Variants in ZNF93 observed in about 807,000 individuals in gnomAD.
ZNF93 encodes the protein zinc finger protein 505.
Under a neutral mutation model 45.0 loss-of-function variants are expected in ZNF93, and 29 were observed. That is an observed-to-expected ratio of 0.64 (90% CI 0.48 to 0.88). The LOEUF (loss-of-function observed/expected upper bound fraction) is 0.88, where lower values mean the gene tolerates loss of function less well. Ranked by LOEUF, ZNF93 falls within the 40% of genes least tolerant of loss-of-function variation. The pLI is 0.00. For missense variants in ZNF93, 578 were observed against 724.0 expected (o/e 0.80, Z 2.31); for synonymous variants, 223 against 244.6 (o/e 0.91, Z 0.82).
intron 3 of ZNF93, among the ~76,000 whole-genome samples, chr19:19,930,355 A>G (rs1474869663): frequency 1.3e-5 from 2 of 152,328 alleles, no homozygotes; most frequent in African/African-American, 4.8e-5. Flanking sequence ...TGACCACTGA[A>G]GCACAGCATC....
intron 1 of ZNF93, chr19:19,914,762 CT>C: frequency 2.6e-6 from 1 of 384,550 alleles, no homozygotes; most frequent in Non-Finnish European, 5.0e-6. Flanking sequence ...AACACAGGCT[CT>C]TCCACTTACT....
chr19:19,915,642 A>G (rs1172913569), intron 2 of ZNF93, among the ~76,000 whole-genome samples: 1 of 152,080 alleles, frequency 6.6e-6, no homozygotes, highest in Non-Finnish European at 1.5e-5. Context: ...GGAGTTCGAG[A>G]CCAGCCTGGC....
chr19:19,910,580 C>A (rs1473219096), intron 1 of ZNF93, among the ~76,000 whole-genome samples: 1 of 151,540 alleles, frequency 6.6e-6, no homozygotes, highest in Non-Finnish European at 1.5e-5. Flanking sequence ...CAACTTGAAT[C>A]TTTGCTCCCA....
chr19:19,932,068 G>A, intron 3 of ZNF93: 1 of 310,060 alleles, frequency 3.2e-6, no homozygotes, highest in South Asian at 2.5e-5. Context: ...GAGGTCAGGA[G>A]ATCGAGACCA....
At chr19:19,930,977 C>T (rs1347530386) in intron 3 of ZNF93, among the ~76,000 whole-genome samples, 1 of 151,744 alleles carries the variant, frequency 6.6e-6, no homozygotes, top group Non-Finnish European at 1.5e-5. Flanking sequence ...ATAATTATGA[C>T]CACCTTACTC....
chr19:19,905,783 G>A (rs2063291238), intron 1 of ZNF93, among the ~76,000 whole-genome samples: 1 of 151,616 alleles, frequency 6.6e-6, no homozygotes, highest in African/African-American at 2.4e-5. Flanking sequence ...CGTGGAGACA[G>A]AATTTTGCCA....
intron 2 of ZNF93, 110 bp from the exon 3 acceptor site, chr19:19,916,450 T>A: frequency 1.2e-6 from 1 of 837,098 alleles, no homozygotes; most frequent in South Asian, 1.7e-5. Context: ...ATTTGTATTT[T>A]GGTATTAATT....
chr19:19,921,248 G>A (rs1315179549), intron 3 of ZNF93, among the ~76,000 whole-genome samples: 11 of 152,138 alleles, frequency 7.2e-5, no homozygotes, highest in East Asian at 5.8e-4. Context: ...GTAGTTGAGC[G>A]GTTTTGAGTG....
intron 1 of ZNF93, chr19:19,907,944 GT>G (rs2063297528): frequency 1.3e-5 from 2 of 152,110 alleles, no homozygotes. Flanking sequence ...AGTGTTTGAA[GT>G]ATAGTTGCAA....
intron 1 of ZNF93, among the ~76,000 whole-genome samples, chr19:19,912,077 A>G (rs1443906533): frequency 6.6e-6 from 1 of 152,116 alleles, no homozygotes; most frequent in African/African-American, 2.4e-5. Context: ...TTACCTTGCT[A>G]ACTGTAGATA....
intron 3 of ZNF93, among the ~76,000 whole-genome samples, chr19:19,925,010 A>G (rs1487405687): frequency 6.6e-6 from 1 of 152,236 alleles, no homozygotes; most frequent in Non-Finnish European, 1.5e-5. Context: ...AGGCCTGCCT[A>G]CATGGCTGTA....
intron 3 of ZNF93, chr19:19,927,236 A>C (rs2063359036): frequency 7.5e-6 from 3 of 398,512 alleles, no homozygotes; most frequent in Non-Finnish European, 4.4e-6. Flanking sequence ...CTCTATGAAA[A>C]AAATTTAATA....
intron 3 of ZNF93, among the ~76,000 whole-genome samples, chr19:19,930,769 C>T (rs111841892): frequency 6.6e-6 from 1 of 152,126 alleles, no homozygotes; most frequent in Non-Finnish European, 1.5e-5. Context: ...TTGCTACCAA[C>T]TAATGATTAA....
At chr19:19,906,576 C>T (rs1393420996) in intron 1 of ZNF93, among the ~76,000 whole-genome samples, 2 of 152,012 alleles carry the variant, frequency 1.3e-5, no homozygotes, top group Non-Finnish European at 2.9e-5. Flanking sequence ...AGTTGCTTTT[C>T]GTAGCTTCAT....
intron 3 of ZNF93, among the ~76,000 whole-genome samples, chr19:19,919,360 G>C (rs1599570066): frequency 1.3e-5 from 2 of 152,276 alleles, no homozygotes; most frequent in East Asian, 3.9e-4. Flanking sequence ...CTGTAGCCTT[G>C]TAGTATAGTT....
chr19:19,917,401 A>AT (rs2063327616), intron 3 of ZNF93, among the ~76,000 whole-genome samples: 1 of 150,382 alleles, frequency 6.6e-6, no homozygotes, highest in Non-Finnish European at 1.5e-5. Context: ...TATTGTAAAG[A>AT]TTTTTTATCT....
intron 3 of ZNF93, chr19:19,932,708 TC>T (rs1229543344): frequency 6.6e-6 from 1 of 152,370 alleles, no homozygotes; most frequent in Non-Finnish European, 1.5e-5. Context: ...ACCTTTATAC[TC>T]ATACCAAATT....
rs747808752 is a variant in ZNF93, at chr19:19,901,074, C to G, written c.-15C>G. ...GATCCACAGCTAAGACACCAGGACC[C>G]CTGGAAGCCTAGAAATGGTGAGAGT... On this transcript the variant is annotated 5_prime_UTR_variant, in exon 1 of 4. Coordinates refer to ENST00000343769, the MANE Select transcript of ZNF93 (RefSeq NM_031218.4). The G allele has an allele frequency of 1.9e-6, 3 of 1,613,446 alleles. No individual in the cohort carries two copies. The highest frequency in any genetic ancestry group is 2.5e-6 in the Non-Finnish European group (3 of 1,179,620).
Position 19,934,337 on chromosome 19 carries a change from C to G in ZNF93, c.1382C>G (p.Ala461Gly). ...TACAAGTGTGAAGAATGTGGCAAAG[C>G]TTTTAACCAGTCCTCATCCCTTACT... is the stretch of plus-strand genomic sequence containing the variant. Reference protein sequence around the residue: ...KPYKCEECGKAFNQSSSLTKH... With the variant: ...KPYKCEECGKGFNQSSSLTKH... The change falls in exon 4 of 4, where the codon GCT (alanine) becomes GGT (glycine). Residue 461 changes from alanine (A) to glycine (G), a missense_variant. By Grantham distance (60) the Ala-to-Gly change is moderately conservative. Transcript: ENST00000343769. The G allele has an allele frequency of 6.2e-7, 1 of 1,613,824 alleles. No individual in the cohort carries two copies. The highest frequency in any genetic ancestry group is 8.5e-7 in the Non-Finnish European group (1 of 1,179,982).
Sources: allele counts gnomAD v4.1 joint callset (sites outside exome capture counted in the v4.1 genomes callset), GRCh38; gene constraint gnomAD v4.1.1; transcripts MANE v1.5; gene names NCBI Gene and HGNC (gene_info 2026-07-23, HGNC 2026-07-21).